The following ZNF385D variants were observed in gnomAD, a reference collection of about 807,000 sequenced individuals.
ZNF385D encodes the protein zinc finger protein 659.
ZNF385D carries 15 observed loss-of-function variants against 35.8 expected under a neutral mutation model. That is an observed-to-expected ratio of 0.42 (90% CI 0.28 to 0.64). The LOEUF (loss-of-function observed/expected upper bound fraction) is 0.64, where lower values mean the gene tolerates loss of function less well. ZNF385D is among the 30% of genes least tolerant of loss of function. The probability of loss-of-function intolerance (pLI) is 0.23; values close to 1 mark genes in which losing one functional copy is unlikely to be tolerated. For missense variants in ZNF385D, 474 were observed against 494.6 expected (o/e 0.96, Z 0.39); for synonymous variants, 212 against 186.8 (o/e 1.13, Z -1.10).
Position 22,144,458 on chromosome 3 carries a change from G to A in ZNF385D, c.325+24359C>T, listed in dbSNP as rs367802972. Among the ~76,000 whole-genome samples, 14 of 150,528 alleles carry A rather than the reference G, an allele frequency of 9.3e-5. 2 individuals carry two copies. The highest frequency in any genetic ancestry group is 5.9e-4 in the East Asian group (3 of 5,048). Reference sequence around the variant, plus strand: ...CCCAGGTGTGGTGGTGCATGCCTTCGAGCTACTGCGGAGGCTAAGGCAGGA... The same window carrying A: ...CCCAGGTGTGGTGGTGCATGCCTTCAAGCTACTGCGGAGGCTAAGGCAGGA... On this transcript the variant is annotated intron_variant, in intron 3 of 5. Transcript: ENST00000494108.
chr3:21,601,644 C>A (rs1206651140), intron 2 of ZNF385D, among the ~76,000 whole-genome samples: 2 of 152,156 alleles, frequency 1.3e-5, no homozygotes, highest in Non-Finnish European at 2.9e-5. Flanking sequence ...TAAAATGTTA[C>A]CATTATTTAA....
At position 21,813,639 on chromosome 3, in the gene ZNF385D, A is replaced by G. The variant is rs1438418897; in HGVS notation, c.326-148611T>C. ...CAAATGAATGAAATGAAGTGAGAAG[A>G]GAAGTTTAGAGAAAAAAGAGTAAAA... On this transcript the variant is annotated intron_variant, in intron 3 of 5. Transcript: ENST00000494108. Among the ~76,000 whole-genome samples the G allele has an allele frequency of 7.2e-5, 11 of 152,220 alleles. No individual in the cohort carries two copies. The East Asian group carries it at 1.9e-3, about 27-fold the overall frequency.
chr3:21,552,197 A>AACT (rs1169857090), intron 3 of ZNF385D, among the ~76,000 whole-genome samples: 1 of 152,200 alleles, frequency 6.6e-6, no homozygotes, highest in Non-Finnish European at 1.5e-5. Flanking sequence ...TGGGCTTAGA[A>AACT]AGCCTTTTCT....
intron 2 of ZNF385D, among the ~76,000 whole-genome samples, chr3:22,226,407 A>T (rs1232166772): frequency 6.6e-6 from 1 of 152,202 alleles, no homozygotes. Context: ...AGCTCAGCAG[A>T]AAACAGACAA....
At chr3:21,927,324 G>A (rs1406823227) in intron 3 of ZNF385D, among the ~76,000 whole-genome samples, 1 of 151,806 alleles carries the variant, frequency 6.6e-6, no homozygotes, top group African/African-American at 2.4e-5. Context: ...TTTATAACAA[G>A]GCAAAATGGA....
intron 3 of ZNF385D, among the ~76,000 whole-genome samples, chr3:22,144,333 G>A (rs6550664): frequency 0.35 from 53,835 of 151,952 alleles, 9,791 homozygotes; most frequent in African/African-American, 0.44. Flanking sequence ...CAGCACTACT[G>A]GAGGCCAAGG....
intron 3 of ZNF385D, among the ~76,000 whole-genome samples, chr3:21,989,126 C>T (rs550597679): frequency 0.013 from 1,956 of 152,248 alleles, 24 homozygotes; most frequent in Non-Finnish European, 0.019. Flanking sequence ...GCGTCGCTCA[C>T]GCTGGGAGCT....
At chr3:22,111,884 C>T (rs1702555679) in intron 3 of ZNF385D, among the ~76,000 whole-genome samples, 1 of 152,106 alleles carries the variant, frequency 6.6e-6, no homozygotes, top group African/African-American at 2.4e-5. Flanking sequence ...GAACAAACTA[C>T]TGAGAAGTGA....
At chr3:22,172,886 T>G (rs1052745692) in intron 2 of ZNF385D, among the ~76,000 whole-genome samples, 1 of 152,210 alleles carries the variant, frequency 6.6e-6, no homozygotes, top group Non-Finnish European at 1.5e-5. Context: ...CTTCTTCCTC[T>G]TTAAGTATAG....
chr3:22,315,356 A>G (rs145377278), intron 2 of ZNF385D, among the ~76,000 whole-genome samples: 86 of 152,316 alleles, frequency 5.6e-4, no homozygotes, highest in Non-Finnish European at 9.0e-4. Context: ...TGGTTTATTA[A>G]GAGATACATC....
At position 21,993,198 on chromosome 3, in the gene ZNF385D, C is replaced by G. The variant is rs150215530; in HGVS notation, c.325+175619G>C. Reference sequence around the variant, plus strand: ...GTGAATAATACTTTGACATTCATATCTGTCTCTGTCGGCCTCCTTCTTGCA... The same window carrying G: ...GTGAATAATACTTTGACATTCATATGTGTCTCTGTCGGCCTCCTTCTTGCA... On this transcript the variant is annotated intron_variant, in intron 3 of 5. Coordinates refer to the ZNF385D transcript ENST00000494108. Among the ~76,000 whole-genome samples, 78 of 152,282 alleles carry G rather than the reference C, an allele frequency of 5.1e-4. 2 individuals are homozygous for G. The East Asian group carries it at 0.014, about 27-fold the overall frequency.
At chr3:22,285,422 A>T (rs1364546631) in intron 2 of ZNF385D, among the ~76,000 whole-genome samples, 1 of 152,120 alleles carries the variant, frequency 6.6e-6, no homozygotes, top group African/African-American at 2.4e-5. Context: ...ACCATTTGAA[A>T]GTTTTGGGTT....
chr3:21,830,313 A>G (rs1694907221), intron 3 of ZNF385D, among the ~76,000 whole-genome samples: 1 of 152,152 alleles, frequency 6.6e-6, no homozygotes, highest in Admixed American at 6.6e-5. Flanking sequence ...TTTGACTGAT[A>G]TTTGATTAAC....
chr3:22,123,045 T>C (rs1703183070), intron 3 of ZNF385D, among the ~76,000 whole-genome samples: 2 of 152,204 alleles, frequency 1.3e-5, no homozygotes, highest in South Asian at 2.1e-4. Context: ...CATGACATTC[T>C]TTCCTTTGAG....
chr3:21,505,148 G>A (rs1277721938), intron 4 of ZNF385D, among the ~76,000 whole-genome samples: 1 of 152,086 alleles, frequency 6.6e-6, no homozygotes, highest in Non-Finnish European at 1.5e-5. Context: ...CAAAATAAAC[G>A]ATGATGGTCA....
chr3:21,790,050 T>A (rs1348344049), intron 3 of ZNF385D, among the ~76,000 whole-genome samples: 2 of 152,200 alleles, frequency 1.3e-5, no homozygotes, highest in African/African-American at 4.8e-5. Context: ...AGGGCCAAGA[T>A]GTAGAGCATA....
At chr3:22,016,220 T>C (rs1039114089) in intron 3 of ZNF385D, among the ~76,000 whole-genome samples, 1 of 152,066 alleles carries the variant, frequency 6.6e-6, no homozygotes, top group Non-Finnish European at 1.5e-5. Flanking sequence ...ATGTTTTTGC[T>C]GTCACAGCAA....
At chr3:21,480,688 G>A (rs1221762633) in intron 4 of ZNF385D, among the ~76,000 whole-genome samples, 2 of 152,094 alleles carry the variant, frequency 1.3e-5, no homozygotes, top group Non-Finnish European at 2.9e-5. Context: ...TTATTTGATT[G>A]ACATTCGATA....
At chr3:22,111,163 TTTTTTTTTTTTTTG>T (rs1278187218) in intron 3 of ZNF385D, among the ~76,000 whole-genome samples, 22 of 88,742 alleles carry the variant, frequency 2.5e-4, no homozygotes, top group South Asian at 2.4e-3. Flanking sequence ...TTTTTTTTTT[TTTTTTTTTTTTTTG>T]TTTTTTTTGT....
Sources: gnomAD v4.1 joint callset for allele counts (sites outside exome capture counted in the v4.1 genomes callset) on GRCh38, gnomAD v4.1.1 for gene constraint, MANE v1.5 for transcripts, NCBI Gene and HGNC (gene_info 2026-07-23, HGNC 2026-07-21) for gene names.